Variants in CADM2 observed in about 807,000 individuals in gnomAD.
CADM2 encodes cell adhesion molecule 2, also known as immunoglobulin superfamily member 4D.
In CADM2, 12 loss-of-function variants were observed where a neutral mutation model predicts 49.8. The ratio of observed to expected loss-of-function variants is 0.24; its 90% CI spans 0.15 to 0.39. The LOEUF is 0.39. Among genes scored for constraint, CADM2 ranks in the 10% least tolerant of loss-of-function variants. The pLI, the probability that CADM2 is intolerant of heterozygous loss-of-function variation, is 1.00. For synonymous variants in CADM2, 214 were observed against 175.4 expected (o/e 1.22, Z -1.74); for missense variants, 378 against 492.3 (o/e 0.77, Z 2.20).
chr3:85,269,688 A>G (rs1452618736), intron 1 of CADM2, among the ~76,000 whole-genome samples: 2 of 151,340 alleles, frequency 1.3e-5, no homozygotes, highest in African/African-American at 2.4e-5. Context: ...ACTATGTTCT[A>G]TGTGACAGAA....
rs77695799 is a variant in CADM2 at position 85,929,470 on chromosome 3, A to T, written c.701-6297A>T. Among the ~76,000 whole-genome samples, 2 of 152,034 alleles carry T rather than the reference A, an allele frequency of 1.3e-5. 1 individual carries two copies. Among genetic ancestry groups the T allele is most frequent in the East Asian group, 3.9e-4 (2 of 5,192 alleles). On this transcript the variant is annotated intron_variant, in intron 6 of 9. Coordinates refer to ENST00000383699, the MANE Select transcript of CADM2 (RefSeq NM_001167675.2). ...CAAAAGCATGTAAGGAAAAGTTTGG[A>T]TGATGCACTATTTACTTCATTACTA...
chr3:85,419,396 T>G (rs2036065189), intron 1 of CADM2, among the ~76,000 whole-genome samples: 2 of 151,898 alleles, frequency 1.3e-5, no homozygotes, highest in East Asian at 3.9e-4. Context: ...AGGCGGAGCT[T>G]GCAGTGAGCG....
chr3:85,613,128 C>A (rs73843694), intron 1 of CADM2, among the ~76,000 whole-genome samples: 1,701 of 151,784 alleles, frequency 0.011, 35 homozygotes, highest in African/African-American at 0.039. Flanking sequence ...GTGAAAAGCT[C>A]TTTTCTAATG....
chr3:85,061,923 TA>T (rs1297117226), intron 1 of CADM2, among the ~76,000 whole-genome samples: 1 of 151,532 alleles, frequency 6.6e-6, no homozygotes, highest in Non-Finnish European at 1.5e-5. Flanking sequence ...AACTTTTTCT[TA>T]AAAACATACT....
chr3:85,763,454 T>A lies in CADM2; in HGVS notation c.88+36906T>A, dbSNP rs574968171. Among the ~76,000 whole-genome samples, 7 of 152,326 alleles carry A rather than the reference T, an allele frequency of 4.6e-5. No homozygotes were observed. The South Asian group carries it at 1.2e-3, about 27-fold the overall frequency. ...ATCTTCACCCATACAAAGGTAGCTT[T>A]ATATTCATTTCCCTTCTGGTGGTTC... On this transcript the variant is annotated intron_variant, in intron 2 of 9. Coordinates refer to ENST00000383699, the MANE Select transcript of CADM2 (RefSeq NM_001167675.2).
intron 2 of CADM2, among the ~76,000 whole-genome samples, chr3:85,775,841 A>G (rs1268284559): frequency 6.6e-6 from 1 of 151,934 alleles, no homozygotes; most frequent in African/African-American, 2.4e-5. Flanking sequence ...ACTCATGTCC[A>G]CATGTTATTA....
intron 8 of CADM2, among the ~76,000 whole-genome samples, chr3:86,064,877 G>A (rs78646459): frequency 0.038 from 5,759 of 152,162 alleles, 347 homozygotes; most frequent in African/African-American, 0.13. Context: ...AGAATCACAA[G>A]TTCCACCGGC....
At chr3:85,298,081 A>G (rs1190489081) in intron 1 of CADM2, among the ~76,000 whole-genome samples, 2 of 151,982 alleles carry the variant, frequency 1.3e-5, no homozygotes, top group Non-Finnish European at 2.9e-5. Flanking sequence ...GAAAAAATGA[A>G]CTCCTACATC....
chr3:85,999,357 T>C lies in CADM2; in HGVS notation c.970+37710T>C, dbSNP rs536020386. 3.3e-5 allele frequency among the ~76,000 whole-genome samples: 5 copies of C among 151,504 alleles called. No individual in the cohort carries two copies. In the East Asian group the frequency reaches 9.8e-4, roughly 30 times the overall value. On this transcript the variant is annotated intron_variant, in intron 8 of 9. Coordinates refer to ENST00000383699, the MANE Select transcript of CADM2 (RefSeq NM_001167675.2). ...CCATCTCTACTAAAACTACCCAAAA[T>C]TTTCAGGCATGATGGTGTGCACCTG...
chr3:85,105,121 G>C, intron 1 of CADM2, among the ~76,000 whole-genome samples: 1 of 152,048 alleles, frequency 6.6e-6, no homozygotes, highest in East Asian at 1.9e-4. Context: ...AATAGGAGTG[G>C]TGAGAAAGGG....
intron 2 of CADM2, among the ~76,000 whole-genome samples, chr3:85,736,734 TA>T (rs1292281389): frequency 6.6e-6 from 1 of 152,054 alleles, no homozygotes; most frequent in African/African-American, 2.4e-5. Context: ...GGGGTAGAGA[TA>T]GGGGTGGTGG....
At chr3:85,321,076 CATAAT>C (rs1214929661) in intron 1 of CADM2, among the ~76,000 whole-genome samples, 1 of 109,660 alleles carries the variant, frequency 9.1e-6, no homozygotes, top group Admixed American at 1.2e-4. Context: ...TAAATGTACT[CATAAT>C]AGATATATAC....
intron 7 of CADM2, among the ~76,000 whole-genome samples, chr3:85,942,177 T>A (rs1722000589): frequency 6.6e-6 from 1 of 151,986 alleles, no homozygotes; most frequent in Middle Eastern, 3.4e-3. Flanking sequence ...TGAAGAGTTC[T>A]AAAAAATTGC....
intron 1 of CADM2, among the ~76,000 whole-genome samples, chr3:85,265,602 A>G (rs1021975659): frequency 2.6e-5 from 4 of 152,146 alleles, no homozygotes; most frequent in Middle Eastern, 6.8e-3. Context: ...AGCCCTCATG[A>G]ACTAATCACC....
At chr3:85,356,390 A>G (rs1440584454) in intron 1 of CADM2, among the ~76,000 whole-genome samples, 1 of 152,096 alleles carries the variant, frequency 6.6e-6, no homozygotes, top group Non-Finnish European at 1.5e-5. Flanking sequence ...ACTATTGAGA[A>G]ACATTTGTAG....
intron 1 of CADM2, among the ~76,000 whole-genome samples, chr3:85,179,937 A>G (rs923946220): frequency 6.6e-6 from 1 of 152,134 alleles, no homozygotes; most frequent in Non-Finnish European, 1.5e-5. Flanking sequence ...AGTCCCATAA[A>G]TATTTACTAA....
At chr3:85,260,169 T>C (rs1236639379) in intron 1 of CADM2, among the ~76,000 whole-genome samples, 1 of 152,072 alleles carries the variant, frequency 6.6e-6, no homozygotes, top group Non-Finnish European at 1.5e-5. Context: ...TGATTTAAAT[T>C]AGTTTGGCAT....
chr3:85,684,943 C>A (rs1214693520), intron 1 of CADM2, among the ~76,000 whole-genome samples: 1 of 152,182 alleles, frequency 6.6e-6, no homozygotes, highest in Non-Finnish European at 1.5e-5. Flanking sequence ...CAGACAGCCA[C>A]ATCAGCAAAA....
intron 1 of CADM2, among the ~76,000 whole-genome samples, chr3:84,962,836 A>G (rs1167483310): frequency 2.0e-5 from 3 of 152,038 alleles, no homozygotes; most frequent in African/African-American, 4.8e-5. Context: ...TATCTTCTCC[A>G]TGTTTCTGTG....
Sources: gnomAD v4.1 joint callset for allele counts (sites outside exome capture counted in the v4.1 genomes callset) on GRCh38, gnomAD v4.1.1 for gene constraint, MANE v1.5 for transcripts, NCBI Gene and HGNC (gene_info 2026-07-23, HGNC 2026-07-21) for gene names.